The following SDK1 variants were observed in gnomAD, a reference collection of about 807,000 sequenced individuals.
SDK1 encodes protein sidekick-1.
In SDK1, 157 loss-of-function variants were observed where a neutral mutation model predicts 245.5. That is an observed-to-expected ratio of 0.64 (90% CI 0.56 to 0.73). SDK1 has a LOEUF of 0.73. SDK1 is among the 30% of genes least tolerant of loss of function. SDK1 has a pLI of 0.00. For synonymous variants in SDK1, 1,647 were observed against 1,278.5 expected (o/e 1.29, Z -6.15); for missense variants, 3,583 against 3,002.3 (o/e 1.19, Z -4.52).
At chr7:3,365,668 AGGG>A (rs1781068836) in intron 1 of SDK1, among the ~76,000 whole-genome samples, 1 of 152,172 alleles carries the variant, frequency 6.6e-6, no homozygotes. Context: ...GTTTTTTTGA[AGGG>A]CATAGTCCTT....
intron 1 of SDK1, among the ~76,000 whole-genome samples, chr7:3,351,991 G>T (rs1174016031): frequency 6.6e-6 from 1 of 151,892 alleles, no homozygotes; most frequent in African/African-American, 2.4e-5. Flanking sequence ...AGCAAGTATT[G>T]ATAAATTTCA....
rs778559886 is a variant in SDK1, at chr7:3,642,122, G to A, written c.713+17G>A. ...CAACAGAATGTAAGTTGCTCCAAAC[G>A]TTAAAGCTTCAAATACAATTGTAAT... On this transcript the variant is annotated intron_variant, in intron 4 of 44. Transcript: ENST00000404826. 11 of 1,612,190 alleles carry A rather than the reference G, an allele frequency of 6.8e-6. No individual in the cohort carries two copies. Among genetic ancestry groups the A allele is most frequent in the South Asian group, 2.2e-5 (2 of 90,890 alleles).
intron 5 of SDK1, among the ~76,000 whole-genome samples, chr7:3,948,070 T>C (rs1352117375): frequency 1.3e-5 from 2 of 152,186 alleles, no homozygotes; most frequent in African/African-American, 2.4e-5. Flanking sequence ...ATGAGCACTA[T>C]CCTTGCTATT....
At chr7:3,849,379 G>A (rs934746462) in intron 5 of SDK1, among the ~76,000 whole-genome samples, 2 of 152,204 alleles carry the variant, frequency 1.3e-5, no homozygotes, top group African/African-American at 4.8e-5. Context: ...GTATCCTTGA[G>A]TAGTGCAAAG....
At chr7:4,080,886 AAAG>A (rs1360706411) in intron 22 of SDK1, among the ~76,000 whole-genome samples, 6 of 152,218 alleles carry the variant, frequency 3.9e-5, no homozygotes, top group African/African-American at 1.2e-4. Context: ...AAAAAAGAAA[AAAG>A]AAAATCAGTC....
chr7:3,449,740 G>A (rs1016931379), intron 1 of SDK1, among the ~76,000 whole-genome samples: 38 of 152,182 alleles, frequency 2.5e-4, no homozygotes, highest in African/African-American at 8.4e-4. Flanking sequence ...TGTGTAACTA[G>A]TTTGTTCGTT....
rs867967855 is a variant in SDK1, at chr7:3,301,644, C to G, written c.58C>G (p.Pro20Ala). 5,190 of 977,122 alleles carry G rather than the reference C, an allele frequency of 5.3e-3. 77 individuals are homozygous for G. The highest frequency in any genetic ancestry group is 0.046 in the African/African-American group (2,601 of 56,144). The allele number at this position is 977,122 out of a possible 1,614,324, so 60.5% of individuals were successfully genotyped here. A position where few individuals can be genotyped will look rare whatever the true frequency, so the allele number is the denominator to read the frequency against. Residue 20 changes from proline (P) to alanine (A), a missense_variant, in exon 1 of 45, where the codon CCT (proline) becomes GCT (alanine). By Grantham distance (27) the Pro-to-Ala change is conservative. Coordinates refer to ENST00000404826, the MANE Select transcript of SDK1 (RefSeq NM_152744.4). ...AGGGGGGAEP[P>A]ERAGPGRPRG... is the part of the protein sequence containing the mutation. ...TGGCGGCGGCGGCGGCGCGGAGCCC[C>G]CTGAGCGCGCGGGCCCCGGGCGGCC... is the stretch of plus-strand genomic sequence containing the variant.
intron 27 of SDK1, among the ~76,000 whole-genome samples, chr7:4,131,950 G>A (rs1352594860): frequency 9.2e-5 from 14 of 152,224 alleles, no homozygotes; most frequent in African/African-American, 2.9e-4. Context: ...AAGGGAATCC[G>A]AGCTCAGATG....
chr7:4,139,551 A>ATATGTATATATGTGTGTGTG (rs1779368537), intron 28 of SDK1, among the ~76,000 whole-genome samples: 1 of 38,394 alleles, frequency 2.6e-5, no homozygotes, highest in Non-Finnish European at 5.5e-5. Flanking sequence ...ATGTGTGTGT[A>ATATGTATATATGTGTGTGTG]TATGTATATA....
intron 35 of SDK1, among the ~76,000 whole-genome samples, chr7:4,190,525 C>T (rs186103535): frequency 3.3e-5 from 5 of 152,356 alleles, no homozygotes; most frequent in Admixed American, 1.3e-4. Context: ...TTGTTTCAGA[C>T]GTTCCCTTCA....
chr7:3,694,295 C>T (rs1001406260), intron 4 of SDK1, among the ~76,000 whole-genome samples: 1 of 152,174 alleles, frequency 6.6e-6, no homozygotes, highest in East Asian at 1.9e-4. Flanking sequence ...GTCACTTCCC[C>T]TCCTAGGTTG....
chr7:3,685,098 C>T (rs892764403), intron 4 of SDK1, among the ~76,000 whole-genome samples: 3 of 151,948 alleles, frequency 2.0e-5, no homozygotes, highest in Admixed American at 6.6e-5. Flanking sequence ...ACAGCATCTC[C>T]GATTTGGTAA....
chr7:3,506,128 C>T (rs1382158208), intron 1 of SDK1, among the ~76,000 whole-genome samples: 3 of 151,694 alleles, frequency 2.0e-5, no homozygotes, highest in African/African-American at 7.3e-5. Context: ...TTCTCTTTGC[C>T]AAAAGAACTT....
At chr7:3,500,050 A>C (rs894578013) in intron 1 of SDK1, among the ~76,000 whole-genome samples, 1 of 152,178 alleles carries the variant, frequency 6.6e-6, no homozygotes, top group Non-Finnish European at 1.5e-5. Flanking sequence ...GGTCAGGCTC[A>C]CTGGGGTGTC....
chr7:3,509,295 A>C (rs73671879), intron 1 of SDK1, among the ~76,000 whole-genome samples: 3 of 152,236 alleles, frequency 2.0e-5, no homozygotes, highest in Admixed American at 1.3e-4. Flanking sequence ...TCTAATATTC[A>C]TGATAGGAGC....
intron 1 of SDK1, among the ~76,000 whole-genome samples, chr7:3,423,738 C>T (rs932172845): frequency 9.2e-5 from 14 of 151,978 alleles, no homozygotes; most frequent in African/African-American, 3.4e-4. Context: ...AACCAGAGAC[C>T]AGAAGATCAG....
At chr7:3,651,896 C>G (rs992048948) in intron 4 of SDK1, among the ~76,000 whole-genome samples, 3 of 152,002 alleles carry the variant, frequency 2.0e-5, no homozygotes, top group Admixed American at 6.6e-5. Flanking sequence ...CATGGAGTTC[C>G]GTGTCAGCTA....
chr7:3,441,826 C>G (rs937795773), intron 1 of SDK1, among the ~76,000 whole-genome samples: 3 of 152,156 alleles, frequency 2.0e-5, no homozygotes, highest in Non-Finnish European at 2.9e-5. Context: ...AAAATGTAAA[C>G]CACTCAGTGT....
At chr7:4,075,137 G>A (rs1028708553) in intron 20 of SDK1, among the ~76,000 whole-genome samples, 3 of 151,682 alleles carry the variant, frequency 2.0e-5, no homozygotes, top group Admixed American at 2.0e-4. Context: ...AGCACCACTT[G>A]GTGACAACTC....
Sources: gnomAD v4.1 joint callset for allele counts (sites outside exome capture counted in the v4.1 genomes callset) on GRCh38, gnomAD v4.1.1 for gene constraint, MANE v1.5 for transcripts, NCBI Gene and HGNC (gene_info 2026-07-23, HGNC 2026-07-21) for gene names.